The following TRPM1 variants were observed in gnomAD, a reference collection of about 807,000 sequenced individuals.
The protein encoded by TRPM1 is transient receptor potential cation channel subfamily M member 1.
TRPM1 carries 113 observed loss-of-function variants against 149.4 expected under a neutral mutation model. The ratio of observed to expected loss-of-function variants is 0.76; its 90% CI spans 0.65 to 0.88. The LOEUF is 0.88. Ranked by LOEUF, TRPM1 falls within the 40% of genes least tolerant of loss-of-function variation. The pLI is 0.00. For missense variants in TRPM1, 1,976 were observed against 2,038.7 expected (o/e 0.97, Z 0.59); for synonymous variants, 741 against 759.5 (o/e 0.98, Z 0.40).
At chr15:31,088,747 C>T (rs77915834) in intron 1 of TRPM1, among the ~76,000 whole-genome samples, 5 of 151,236 alleles carry the variant, frequency 3.3e-5, no homozygotes, top group South Asian at 2.1e-4. Context: ...CGTCTTCCTG[C>T]TACCTGTGGG....
Position 31,001,525 on chromosome 15 carries a change from G to C in TRPM1, c.*297C>G, listed in dbSNP as rs992518944. ...CTTCAGTGCTCGAGGGCACTTCCTA[G>C]GCTATTTGGTGGCCCTCAGTAATAA... is the stretch of plus-strand genomic sequence containing the variant. On this transcript the variant is annotated 3_prime_UTR_variant, in exon 28 of 28. Transcript: ENST00000256552. 2.4e-6 allele frequency: 1 copy of C among 408,738 alleles called. No homozygotes were observed. The highest frequency in any genetic ancestry group is 2.1e-5 in the African/African-American group (1 of 48,724). 25.3% of individuals were successfully genotyped at this position (408,738 alleles called of 1,614,324 possible).
At chr15:31,065,640 C>G (rs2034353358) in intron 7 of TRPM1, among the ~76,000 whole-genome samples, 1 of 152,190 alleles carries the variant, frequency 6.6e-6, no homozygotes, top group Non-Finnish European at 1.5e-5. Flanking sequence ...ATGTCCCCAC[C>G]TGGCCATCTT....
chr15:31,090,591 T>C (rs934270246), intron 1 of TRPM1, among the ~76,000 whole-genome samples: 5 of 151,676 alleles, frequency 3.3e-5, no homozygotes, highest in Non-Finnish European at 7.4e-5. Flanking sequence ...GACCTCAGAT[T>C]GTGCCACTGC....
chr15:31,157,869 C>A (rs1432136084), intron 1 of TRPM1, among the ~76,000 whole-genome samples: 1 of 152,158 alleles, frequency 6.6e-6, no homozygotes, highest in African/African-American at 2.4e-5. Context: ...GTACATAGTG[C>A]AGTTTGTGTT....
chr15:31,019,700 C>A (rs569145928), intron 27 of TRPM1, among the ~76,000 whole-genome samples: 1 of 151,754 alleles, frequency 6.6e-6, no homozygotes, highest in African/African-American at 2.4e-5. Flanking sequence ...CCATGCCTGG[C>A]TAATTTTTGT....
chr15:31,151,822 G>A (rs2036308001), intron 1 of TRPM1, among the ~76,000 whole-genome samples: 1 of 152,214 alleles, frequency 6.6e-6, no homozygotes, highest in Admixed American at 6.5e-5. Context: ...AAATGACCCT[G>A]GTCCTGGCCC....
At chr15:31,036,653 G>A (rs781086339) in intron 20 of TRPM1, among the ~76,000 whole-genome samples, 2 of 152,222 alleles carry the variant, frequency 1.3e-5, no homozygotes, top group African/African-American at 4.8e-5. Flanking sequence ...AAGGCTGAGA[G>A]GCCTCGATGG....
intron 16 of TRPM1, 80 bp from the exon 17 acceptor site, chr15:31,042,323 A>T: frequency 5.6e-6 from 8 of 1,428,698 alleles, no homozygotes; most frequent in Non-Finnish European, 6.7e-6. Context: ...GAGAAAGGGA[A>T]CCCTTTCTGT....
rs1176309734 is a variant in TRPM1 at position 31,076,891 on chromosome 15, G to A, written c.83+14C>T. 1 of 1,568,276 alleles carries A rather than the reference G, an allele frequency of 6.4e-7. No homozygotes were observed. Among genetic ancestry groups the A allele is most frequent in the Non-Finnish European group, 8.8e-7 (1 of 1,138,968 alleles). On this transcript the variant is annotated intron_variant, in intron 3 of 27. Coordinates refer to ENST00000256552, the MANE Select transcript of TRPM1 (RefSeq NM_001252024.2). Reference sequence around the variant, plus strand: ...CTGGTTTGGATAATGTCTTAATCGTGGATTTCAATTTACCTGTTAGAGTCT... The same window carrying A: ...CTGGTTTGGATAATGTCTTAATCGTAGATTTCAATTTACCTGTTAGAGTCT...
chr15:31,077,410 C>T (rs567938523), intron 2 of TRPM1, among the ~76,000 whole-genome samples: 4 of 151,386 alleles, frequency 2.6e-5, no homozygotes, highest in Admixed American at 6.6e-5. Context: ...GGATGCTCAG[C>T]GATTTCTGCT....
intron 3 of TRPM1, among the ~76,000 whole-genome samples, chr15:31,071,953 G>A (rs1252820976): frequency 9.7e-6 from 1 of 103,048 alleles, no homozygotes; most frequent in Non-Finnish European, 1.8e-5. Context: ...GACAGAGTGA[G>A]ACTCCGTCTC....
In TRPM1 at chr15:31,002,589, C is replaced by G. The variant is rs117777759; in HGVS notation, c.4111G>C (p.Ala1371Pro). 1.7e-5 allele frequency: 28 copies of G among 1,614,114 alleles called. No individual in the cohort carries two copies. Among genetic ancestry groups the G allele is most frequent in the Non-Finnish European group, 2.3e-5 (27 of 1,180,034 alleles). Reference sequence around the variant, plus strand: ...TCTGGACCTAATTTTGACTCTTCAGCGTTCTTTAAGTCATCTACTGCAAGG... The same window carrying G: ...TCTGGACCTAATTTTGACTCTTCAGGGTTCTTTAAGTCATCTACTGCAAGG... ...SHLAVDDLKN[A>P]EESKLGPDIG... Residue 1371 changes from alanine (A) to proline (P), a missense_variant, in exon 28 of 28, where the codon GCT becomes CCT. Physicochemically the swap from Ala to Pro is conservative, Grantham distance 27. Transcript: ENST00000256552.
At chr15:31,037,081 G>T (rs565207318) in intron 20 of TRPM1, among the ~76,000 whole-genome samples, 1 of 152,354 alleles carries the variant, frequency 6.6e-6, no homozygotes, top group East Asian at 1.9e-4. Flanking sequence ...CCCCCACTGG[G>T]ACCGCCTGCA....
intron 1 of TRPM1, among the ~76,000 whole-genome samples, chr15:31,123,724 C>A (rs2035908641): frequency 6.6e-6 from 1 of 152,162 alleles, no homozygotes; most frequent in African/African-American, 2.4e-5. Flanking sequence ...GAATGCAGAG[C>A]AGCAGAAACT....
At chr15:31,025,173 C>T (rs1426870647) in intron 27 of TRPM1, among the ~76,000 whole-genome samples, 1 of 152,174 alleles carries the variant, frequency 6.6e-6, no homozygotes, top group Non-Finnish European at 1.5e-5. Flanking sequence ...ATTCTGTGTA[C>T]TCAAGGATAG....
At position 31,033,104 on chromosome 15, in the gene TRPM1, A is replaced by G. The variant is rs562164782; in HGVS notation, c.2701-164T>C. Reference sequence around the variant, plus strand: ...TCTCAGGCAGGGAGAGATATCTAGAAAGGGAAATTCCACGGAATCCTCCCT... The same window carrying G: ...TCTCAGGCAGGGAGAGATATCTAGAGAGGGAAATTCCACGGAATCCTCCCT... On this transcript the variant is annotated intron_variant, in intron 21 of 27. Transcript: ENST00000256552. 5.7e-5 allele frequency: 54 copies of G among 945,990 alleles called. 2 individuals carry two copies. The highest frequency in any genetic ancestry group is 8.4e-5 in the Admixed American group (4 of 47,892). 58.6% of individuals were successfully genotyped at this position (945,990 alleles called of 1,614,324 possible). A position where few individuals can be genotyped will look rare whatever the true frequency, so the allele number is the denominator to read the frequency against.
At chr15:31,146,052 G>C (rs1488601389) in intron 1 of TRPM1, among the ~76,000 whole-genome samples, 1 of 152,130 alleles carries the variant, frequency 6.6e-6, no homozygotes, top group Admixed American at 6.5e-5. Flanking sequence ...GGACACACTT[G>C]GTTTATGAGG....
chr15:31,079,920 C>T (rs1023669057), intron 2 of TRPM1, among the ~76,000 whole-genome samples: 1 of 152,170 alleles, frequency 6.6e-6, no homozygotes, highest in Admixed American at 6.5e-5. Context: ...AAGTGAGAAA[C>T]TTTACTTTTG....
At chr15:31,067,531 T>A (rs2034412846) in intron 5 of TRPM1, among the ~76,000 whole-genome samples, 1 of 137,314 alleles carries the variant, frequency 7.3e-6, no homozygotes, top group Non-Finnish European at 1.6e-5. Context: ...CCTGGTATGT[T>A]CCTTAATGTC....
Sources: gnomAD v4.1 joint callset for allele counts (sites outside exome capture counted in the v4.1 genomes callset) on GRCh38, gnomAD v4.1.1 for gene constraint, MANE v1.5 for transcripts, NCBI Gene and HGNC (gene_info 2026-07-23, HGNC 2026-07-21) for gene names.